SNX25: variants seen among roughly 807,000 people sequenced by gnomAD.
SNX25 encodes sorting nexin 25.
In SNX25, 62 loss-of-function variants were observed where a neutral mutation model predicts 113.7. The ratio of observed to expected loss-of-function variants is 0.55; its 90% CI spans 0.44 to 0.67. The LOEUF is 0.67. Among genes scored for constraint, SNX25 ranks in the 30% least tolerant of loss-of-function variants. The probability of loss-of-function intolerance (pLI) is 0.00; values close to 1 mark genes in which losing one functional copy is unlikely to be tolerated. For synonymous variants in SNX25, 421 were observed against 436.2 expected (o/e 0.97, Z 0.43); for missense variants, 1,014 against 1,161.0 (o/e 0.87, Z 1.84).
chr4:185,316,998 T>G (rs1220782069), intron 7 of SNX25, among the ~76,000 whole-genome samples: 1 of 152,200 alleles, frequency 6.6e-6, no homozygotes, highest in Non-Finnish European at 1.5e-5. Context: ...ATCCAAGTCC[T>G]TAGTTACTAG....
At chr4:185,277,366 A>G (rs990826974) in intron 5 of SNX25, among the ~76,000 whole-genome samples, 1 of 152,154 alleles carries the variant, frequency 6.6e-6, no homozygotes, top group African/African-American at 2.4e-5. Flanking sequence ...CTAAGTCCCT[A>G]CTGAAAAGAA....
intron 1 of SNX25, among the ~76,000 whole-genome samples, chr4:185,233,856 GTTA>G (rs34578677): frequency 6.6e-6 from 1 of 151,134 alleles, no homozygotes; most frequent in African/African-American, 2.4e-5. Flanking sequence ...CAACTTAAGT[GTTA>G]TTATTATTAT....
intron 6 of SNX25, among the ~76,000 whole-genome samples, chr4:185,308,530 T>G (rs1308750040): frequency 6.6e-6 from 1 of 152,150 alleles, no homozygotes; most frequent in Non-Finnish European, 1.5e-5. Flanking sequence ...CTTTCTTTCT[T>G]CCTCAGCCCC....
chr4:185,377,798 G>A, the SNX25 span: 1 of 290,192 alleles, frequency 3.4e-6, no homozygotes, highest in South Asian at 9.0e-5. Flanking sequence ...GCCTGGCATT[G>A]TTCTCTTTAA....
chr4:185,347,847 A>T (rs944472278), intron 13 of SNX25, among the ~76,000 whole-genome samples: 6 of 152,118 alleles, frequency 3.9e-5, no homozygotes, highest in African/African-American at 1.4e-4. Context: ...CATGTTCTGG[A>T]TCTGAGTTCC....
chr4:185,274,267 G>A (rs1749349240), intron 5 of SNX25, among the ~76,000 whole-genome samples: 1 of 151,986 alleles, frequency 6.6e-6, no homozygotes, highest in Admixed American at 6.6e-5. Context: ...CACCATATTG[G>A]CCAGGCTGGT....
upstream of SNX25, among the ~76,000 whole-genome samples, chr4:185,206,314 G>A (rs139470161): frequency 6.6e-6 from 1 of 152,322 alleles, no homozygotes; most frequent in African/African-American, 2.4e-5. Context: ...ATATTATTCA[G>A]CCCATGACTT....
At position 185,298,430 on chromosome 4, in the gene SNX25, C is replaced by T. The variant is rs190932036; in HGVS notation, c.1162+10348C>T. On this transcript the variant is annotated intron_variant, in intron 6 of 18. Coordinates refer to ENST00000652585, the MANE Select transcript of SNX25 (RefSeq NM_001378034.2). The stretch of plus-strand genomic sequence containing the variant: ...TTGGCCTCCTAGCATACATTTCTTT[C>T]TGTCTATGAAAAAATAATATATTTT... Among the ~76,000 whole-genome samples, 9 of 152,144 alleles carry T rather than the reference C, an allele frequency of 5.9e-5. No individual in the cohort carries two copies. In the East Asian group the frequency reaches 1.7e-3, roughly 29 times the overall value.
intron 13 of SNX25, among the ~76,000 whole-genome samples, chr4:185,348,421 C>T (rs1579885282): frequency 6.6e-6 from 1 of 150,910 alleles, no homozygotes; most frequent in African/African-American, 2.4e-5. Context: ...GAGACAGACT[C>T]TTGCTCTCTT....
intron 1 of SNX25, among the ~76,000 whole-genome samples, chr4:185,225,424 A>G (rs1048517563): frequency 6.6e-6 from 1 of 152,120 alleles, no homozygotes; most frequent in African/African-American, 2.4e-5. Flanking sequence ...GCACCCGGCC[A>G]GTATATTCTC....
At chr4:185,356,608 A>G (rs1331725436) in intron 15 of SNX25, among the ~76,000 whole-genome samples, 4 of 152,196 alleles carry the variant, frequency 2.6e-5, no homozygotes, top group Non-Finnish European at 5.9e-5. Flanking sequence ...AAAATTAGAA[A>G]TGGCTTTAGA....
chr4:185,280,695 A>G (rs1295121976), intron 5 of SNX25, among the ~76,000 whole-genome samples: 1 of 152,224 alleles, frequency 6.6e-6, no homozygotes, highest in Non-Finnish European at 1.5e-5. Flanking sequence ...GTAAAATGTC[A>G]TAATGATACC....
intron 5 of SNX25, among the ~76,000 whole-genome samples, chr4:185,283,164 A>G (rs770203979): frequency 2.0e-5 from 3 of 152,210 alleles, no homozygotes; most frequent in Non-Finnish European, 4.4e-5. Flanking sequence ...CCCTGCTGTC[A>G]AGTGTTTGCA....
intron 1 of SNX25, among the ~76,000 whole-genome samples, chr4:185,237,065 C>G (rs542243137): frequency 3.3e-4 from 50 of 152,014 alleles, no homozygotes; most frequent in Non-Finnish European, 6.5e-4. Context: ...TTTAGGAAAA[C>G]AGTAATATGA....
intron 10 of SNX25, among the ~76,000 whole-genome samples, chr4:185,336,316 C>T (rs1270006613): frequency 2.0e-5 from 3 of 152,180 alleles, no homozygotes; most frequent in African/African-American, 4.8e-5. Context: ...TTTTATCCCT[C>T]ATCCCCCGCC....
At chr4:185,356,980 C>T (rs529618063) in intron 15 of SNX25, among the ~76,000 whole-genome samples, 83 of 152,316 alleles carry the variant, frequency 5.4e-4, no homozygotes, top group African/African-American at 1.9e-3. Flanking sequence ...GAACCCTTCA[C>T]AGTCTTTCTC....
chr4:185,338,070 T>A (rs971208546), intron 10 of SNX25, among the ~76,000 whole-genome samples: 1 of 152,234 alleles, frequency 6.6e-6, no homozygotes, highest in Non-Finnish European at 1.5e-5. Flanking sequence ...AGATGAAACC[T>A]CTGTCAGAGA....
At chr4:185,369,643 G>T in intron 11 of SNX25, 1 of 361,446 alleles carries the variant, frequency 2.8e-6, no homozygotes, top group East Asian at 7.9e-5. Context: ...ATTTGGCTGT[G>T]TGCTATGTGT....
At chr4:185,374,446 A>C (rs1325653813), downstream of SNX25, 1 of 1,611,992 alleles carries the variant, frequency 6.2e-7, no homozygotes, top group Non-Finnish European at 8.5e-7. Context: ...TTCTTCATAT[A>C]GTCCACCCCT....
Sources: allele counts gnomAD v4.1 joint callset (sites outside exome capture counted in the v4.1 genomes callset), GRCh38; gene constraint gnomAD v4.1.1; transcripts MANE v1.5; gene names NCBI Gene and HGNC (gene_info 2026-07-23, HGNC 2026-07-21).